The following C13orf42 variants were observed in gnomAD, a reference collection of about 807,000 sequenced individuals.
C13orf42 encodes the protein chromosome 13 open reading frame 42.
intron 1 of C13orf42, among the ~76,000 whole-genome samples, chr13:51,131,583 C>G (rs1182313969): frequency 2.6e-5 from 4 of 152,192 alleles, no homozygotes; most frequent in Non-Finnish European, 5.9e-5. Flanking sequence ...TTACTCAACT[C>G]ATAGGTATTT....
In C13orf42 at chr13:51,153,635, T is replaced by TC. The variant is rs1953801840; in HGVS notation, n.136+18617_136+18618insG. ...TCTTGCTTTCTGTTTTTTTTCTTTT[T>TC]TTTTTTTTTTTTTTTTTTTTTGGAG... On this transcript the variant is annotated intron_variant and non_coding_transcript_variant, in intron 1 of 4. Coordinates refer to the C13orf42 transcript ENST00000433280. 6.2e-5 allele frequency among the ~76,000 whole-genome samples: 8 copies of TC among 129,160 alleles called. No individual in the cohort carries two copies. In the South Asian group the frequency reaches 2.3e-3, roughly 38 times the overall value. The allele number at this position is 129,160 out of a possible 152,430, so 84.7% of individuals were successfully genotyped here. A position where few individuals can be genotyped will look rare whatever the true frequency, so the allele number is the denominator to read the frequency against.
intron 1 of C13orf42, among the ~76,000 whole-genome samples, chr13:51,165,687 G>A (rs1337639758): frequency 6.6e-6 from 1 of 152,164 alleles, no homozygotes; most frequent in South Asian, 2.1e-4. Context: ...ATATGCCACT[G>A]GCTTAGCAAC....
At chr13:51,136,239 CCACCTG>C (rs1566136020) in intron 1 of C13orf42, among the ~76,000 whole-genome samples, 1 of 152,172 alleles carries the variant, frequency 6.6e-6, no homozygotes, top group African/African-American at 2.4e-5. Flanking sequence ...ATGCTCACAA[CCACCTG>C]CATGTTAGAG....
In C13orf42 at chr13:51,104,035, A is replaced by T. The variant is rs1298991719; in HGVS notation, c.414+6761T>A. Among the ~76,000 whole-genome samples the T allele has an allele frequency of 3.3e-5, 5 of 152,234 alleles. No homozygotes were observed. In the South Asian group the frequency reaches 8.3e-4, roughly 25 times the overall value. On this transcript the variant is annotated intron_variant, in intron 1 of 3. Transcript: ENST00000563710. ...TAAAATAGTTAAAATGGTAATATTA[A>T]AATATTTTACTTTAAAAGACTGTTT...
chr13:51,153,621 G>GTT (rs1202370498), intron 1 of C13orf42, among the ~76,000 whole-genome samples: 52 of 82,032 alleles, frequency 6.3e-4, no homozygotes, highest in African/African-American at 1.9e-3. Context: ...CTTGCTTTCT[G>GTT]TTTTTTTTCT....
chr13:51,167,023 G>A (rs1953907514), intron 1 of C13orf42, among the ~76,000 whole-genome samples: 3 of 151,832 alleles, frequency 2.0e-5, no homozygotes, highest in Non-Finnish European at 2.9e-5. Context: ...AGGTTGCAGT[G>A]AGCCGAGATC....
chr13:51,135,986 AC>A (rs1471457620), intron 1 of C13orf42, among the ~76,000 whole-genome samples: 5 of 152,160 alleles, frequency 3.3e-5, no homozygotes, highest in Non-Finnish European at 7.4e-5. Context: ...ATGAGGGTAA[AC>A]CCGAGATTAG....
chr13:51,109,834 C>G (rs1953406835), intron 1 of C13orf42, among the ~76,000 whole-genome samples: 1 of 152,166 alleles, frequency 6.6e-6, no homozygotes, highest in Non-Finnish European at 1.5e-5. Context: ...GGTGACCTAG[C>G]ACCTAGAGGT....
intron 1 of C13orf42, among the ~76,000 whole-genome samples, chr13:51,105,753 C>T (rs1953346719): frequency 6.6e-6 from 1 of 152,090 alleles, no homozygotes; most frequent in Admixed American, 6.6e-5. Flanking sequence ...TTTCCAATTT[C>T]TGGTGCTACT....
At chr13:51,093,655 A>G (rs975841896) in intron 1 of C13orf42, among the ~76,000 whole-genome samples, 1 of 152,166 alleles carries the variant, frequency 6.6e-6, no homozygotes, top group African/African-American at 2.4e-5. Flanking sequence ...CGATGTTGAC[A>G]TCGATTGGGG....
At chr13:51,104,941 C>T (rs554021028) in intron 1 of C13orf42, among the ~76,000 whole-genome samples, 67 of 152,284 alleles carry the variant, frequency 4.4e-4, no homozygotes, top group African/African-American at 1.5e-3. Flanking sequence ...TGATGCCAGT[C>T]ACATCCCATA....
At chr13:51,157,734 G>A (rs1028541149) in intron 1 of C13orf42, among the ~76,000 whole-genome samples, 1 of 152,154 alleles carries the variant, frequency 6.6e-6, no homozygotes, top group Non-Finnish European at 1.5e-5. Context: ...ACCAACTGGT[G>A]TTTTTTTAAT....
intron 1 of C13orf42, among the ~76,000 whole-genome samples, chr13:51,129,298 A>AC (rs1467970170): frequency 6.6e-6 from 1 of 151,320 alleles, no homozygotes; most frequent in African/African-American, 2.4e-5. Flanking sequence ...CTGCAGGCAG[A>AC]CCCCCGCAGC....
chr13:51,103,152 C>T (rs139534926), intron 1 of C13orf42, among the ~76,000 whole-genome samples: 2 of 152,282 alleles, frequency 1.3e-5, no homozygotes, highest in African/African-American at 4.8e-5. Context: ...GCTGCCAACC[C>T]CAAAGCAGCA....
intron 1 of C13orf42, among the ~76,000 whole-genome samples, chr13:51,123,439 T>C (rs1953551931): frequency 6.6e-6 from 1 of 152,222 alleles, no homozygotes; most frequent in Non-Finnish European, 1.5e-5. Flanking sequence ...ACATCACTTC[T>C]GCTCACACTT....
At chr13:51,097,213 CA>C (rs1163868257) in intron 1 of C13orf42, among the ~76,000 whole-genome samples, 1 of 152,160 alleles carries the variant, frequency 6.6e-6, no homozygotes, top group Non-Finnish European at 1.5e-5. Flanking sequence ...GCTATTAGTG[CA>C]GCAATGAAAA....
chr13:51,106,661 C>T (rs1479058413), intron 1 of C13orf42, among the ~76,000 whole-genome samples: 1 of 152,102 alleles, frequency 6.6e-6, no homozygotes, highest in African/African-American at 2.4e-5. Context: ...TGCATGGGAG[C>T]AGGGGAAGTG....
intron 1 of C13orf42, among the ~76,000 whole-genome samples, chr13:51,156,792 T>C (rs544989839): frequency 6.6e-6 from 1 of 152,168 alleles, no homozygotes; most frequent in East Asian, 1.9e-4. Flanking sequence ...GGGCATCTGG[T>C]GATGGGGTGT....
chr13:51,106,443 T>A (rs960911165), intron 1 of C13orf42, among the ~76,000 whole-genome samples: 1 of 152,162 alleles, frequency 6.6e-6, no homozygotes, highest in South Asian at 2.1e-4. Context: ...TCAAAACATG[T>A]TTTCCAGTCA....
Sources: gnomAD v4.1 joint callset for allele counts (sites outside exome capture counted in the v4.1 genomes callset) on GRCh38, gnomAD v4.1.1 for gene constraint, MANE v1.5 for transcripts, NCBI Gene and HGNC (gene_info 2026-07-23, HGNC 2026-07-21) for gene names.